Variants in BID observed in about 807,000 individuals in gnomAD.
BID encodes the protein BH3 interacting domain death agonist, also known as BH3-interacting domain death agonist.
Under a neutral mutation model 17.4 loss-of-function variants are expected in BID, and 19 were observed. The ratio of observed to expected loss-of-function variants is 1.09; its 90% CI spans 0.76 to 1.60. The LOEUF (loss-of-function observed/expected upper bound fraction) is 1.60. Among genes scored for constraint, BID ranks in the 40% most tolerant of loss-of-function variants. The pLI, the probability that BID is intolerant of heterozygous loss-of-function variation, is 0.00. For synonymous variants in BID, 108 were observed against 102.8 expected, an observed-to-expected ratio of 1.05 and a Z score of -0.31; for missense variants, 226 against 256.0, an observed-to-expected ratio of 0.88 and a Z score of 0.80.
intron 2 of BID, among the ~76,000 whole-genome samples, chr22:17,747,196 T>C (rs769833056): frequency 2.0e-5 from 3 of 152,156 alleles, no homozygotes; most frequent in Non-Finnish European, 4.4e-5. Flanking sequence ...TCTGGACCAG[T>C]GCCTCAGGGA....
At chr22:17,774,020 T>C (rs1303099981) in intron 1 of BID, 2 of 425,076 alleles carry the variant, frequency 4.7e-6, no homozygotes, top group East Asian at 1.0e-4. Flanking sequence ...TTTTCTCCTC[T>C]CCGGGGCTGG....
intron 1 of BID, chr22:17,774,014 C>T (rs1601890788): frequency 4.4e-6 from 2 of 452,246 alleles, no homozygotes; most frequent in Non-Finnish European, 8.0e-6. Context: ...CGCGGGTTTT[C>T]TCCTCTCCGG....
chr22:17,738,194 C>G lies in BID; in HGVS notation c.399G>C (p.Gln133His), dbSNP rs925525205. 2 of 1,612,410 alleles carry G rather than the reference C, an allele frequency of 1.2e-6. No individual in the cohort carries two copies. Among genetic ancestry groups the G allele is most frequent in the Admixed American group, 3.3e-5 (2 of 60,030 alleles). ...TGTCTCTAGGGTAGGCCTGCAGCAGCTGCTCCAGGGCAGTGGCCAGGTCCC... is the reference window on the plus strand; with the variant it reads ...TGTCTCTAGGGTAGGCCTGCAGCAGGTGCTCCAGGGCAGTGGCCAGGTCCC... ...RNRDLATALE[Q>H]LLQAYPRDME... The change falls in exon 5 of 6, where the codon CAG (glutamine) becomes CAC (histidine). Residue 133 changes from glutamine (Q) to histidine (H), a missense_variant. Physicochemically the swap from Gln to His is conservative, Grantham distance 24 (BLOSUM62 0). Transcript: ENST00000622694.
chr22:17,763,124 G>A (rs1282864514), intron 1 of BID, among the ~76,000 whole-genome samples: 3 of 152,076 alleles, frequency 2.0e-5, no homozygotes. Context: ...CGATCCACCC[G>A]CCTCAGCCTC....
chr22:17,755,926 G>C (rs1028174363), intron 1 of BID, among the ~76,000 whole-genome samples: 4 of 152,152 alleles, frequency 2.6e-5, no homozygotes, highest in African/African-American at 4.8e-5. Context: ...GGAGTACAAT[G>C]GCACGATCTC....
intron 3 of BID, 72 bp downstream of exon 3, chr22:17,743,731 C>G: frequency 6.7e-7 from 1 of 1,490,242 alleles, no homozygotes; most frequent in Non-Finnish European, 9.0e-7. Flanking sequence ...CCTTCCAGCC[C>G]TGAGGCTCCC....
intron 1 of BID, among the ~76,000 whole-genome samples, chr22:17,765,138 TCAAGACATCCTCCACAGAGGACC>T (rs535850066): frequency 0.093 from 14,143 of 151,404 alleles, 842 homozygotes; most frequent in Non-Finnish European, 0.12. Flanking sequence ...TGTGTCCGGC[TCAAGACATCCTCCACAGAGGACC>T]CAAGACATCC....
At chr22:17,745,620 A>C (rs893305286) in intron 2 of BID, among the ~76,000 whole-genome samples, 1 of 152,110 alleles carries the variant, frequency 6.6e-6, no homozygotes. Flanking sequence ...ACTGCACTCC[A>C]ACCTGGGTGA....
intron 2 of BID, among the ~76,000 whole-genome samples, chr22:17,747,907 C>G (rs2061505574): frequency 1.3e-5 from 2 of 150,390 alleles, no homozygotes; most frequent in African/African-American, 4.9e-5. Flanking sequence ...GAAACCCCAT[C>G]TCTACTAAAA....
In BID at chr22:17,773,686, A is replaced by T; in HGVS notation, c.-59+695T>A. The T allele has an allele frequency of 6.2e-7, 1 of 1,609,518 alleles. No homozygotes were observed. On this transcript the variant is annotated intron_variant, in intron 1 of 5. Transcript: ENST00000622694. This position sits in a 1 kb window ranked among gnomAD's most constrained non-coding sequence, Gnocchi z 4.4. ...GCCATCATGACCCCAGCACCGCTGC[A>T]CATTCGTATTTGTTGAATGAATGAA... is the stretch of plus-strand genomic sequence containing the variant.
intron 1 of BID, among the ~76,000 whole-genome samples, chr22:17,756,553 TCTTTCCTTC>T (rs1268025594): frequency 6.6e-6 from 1 of 151,342 alleles, no homozygotes; most frequent in African/African-American, 2.4e-5. Flanking sequence ...CTTCCTTCTT[TCTTTCCTTC>T]CTTTCCTTTC....
At chr22:17,744,197 TA>T (rs1361904667) in intron 2 of BID, among the ~76,000 whole-genome samples, 184 bp from the exon 3 acceptor site, 2 of 152,168 alleles carry the variant, frequency 1.3e-5, no homozygotes, top group African/African-American at 4.8e-5. Flanking sequence ...GCCACAGCTT[TA>T]AGCAGCACTG....
rs114234041 is a variant in BID, at chr22:17,740,761, C to T, written c.224-1273G>A. The T allele has an allele frequency of 6.0e-3, 930 of 154,806 alleles. 14 individuals carry two copies. Among genetic ancestry groups the T allele is most frequent in the African/African-American group, 0.021 (866 of 41,498 alleles). The allele number at this position is 154,806 out of a possible 1,614,324, so 9.6% of individuals were successfully genotyped here. A position where few individuals can be genotyped will look rare whatever the true frequency, so the allele number is the denominator to read the frequency against. On this transcript the variant is annotated intron_variant, in intron 3 of 5. Transcript: ENST00000622694. Reference sequence around the variant, plus strand: ...AACTTTTAAAGGGAGCCAGGTGTACCGCACGTACCTATAATCCCAGCTACA... The same window carrying T: ...AACTTTTAAAGGGAGCCAGGTGTACTGCACGTACCTATAATCCCAGCTACA...
chr22:17,759,249 A>AAC lies in BID; in HGVS notation c.-58-9076_-58-9075insGT, dbSNP rs1555906743. Among the ~76,000 whole-genome samples, 9 of 148,526 alleles carry AAC rather than the reference A, an allele frequency of 6.1e-5. No individual in the cohort carries two copies. In the East Asian group the frequency reaches 7.9e-4, roughly 13 times the overall value. ...CGTCTCAAAACAAAAAACAAAACAA[A>AAC]AAAAAAAAAACAAAAGAACCAGGTG... On this transcript the variant is annotated intron_variant, in intron 1 of 5. Coordinates refer to ENST00000622694, the MANE Select transcript of BID (RefSeq NM_001196.4).
intron 2 of BID, 53 bp downstream of exon 2, chr22:17,750,052 T>A (rs1466374053): frequency 1.3e-6 from 2 of 1,560,020 alleles, no homozygotes; most frequent in Non-Finnish European, 1.8e-6. Flanking sequence ...CGCAGGCCCT[T>A]ACCCCTCGAC....
chr22:17,736,869 T>C (rs1441460810), intron 5 of BID, among the ~76,000 whole-genome samples: 5 of 152,058 alleles, frequency 3.3e-5, no homozygotes, highest in Admixed American at 6.6e-5. Context: ...AGTGGCGTGA[T>C]TGCGGCTCAC....
At chr22:17,756,917 C>A (rs888346928) in intron 1 of BID, among the ~76,000 whole-genome samples, 3 of 152,034 alleles carry the variant, frequency 2.0e-5, no homozygotes, top group South Asian at 2.1e-4. Flanking sequence ...ATGAGACTGA[C>A]CTGACCATTA....
In BID at chr22:17,734,972, G is replaced by A. The variant is rs1433412212; in HGVS notation, c.*608C>T. ...AAAAAGTCAAGCCCCTGTGTACTGG[G>A]GCCGGACTTCCCATCATTTGAGTGC... On this transcript the variant is annotated 3_prime_UTR_variant, in exon 6 of 6. Transcript: ENST00000622694. 1.3e-5 allele frequency: 2 copies of A among 152,236 alleles called. No individual in the cohort carries two copies. Among genetic ancestry groups the A allele is most frequent in the Non-Finnish European group, 2.9e-5 (2 of 68,124 alleles). The allele number at this position is 152,236 out of a possible 1,614,324, so 9.4% of individuals were successfully genotyped here.
At chr22:17,768,872 C>CA (rs56172842) in intron 1 of BID, among the ~76,000 whole-genome samples, 9,961 of 73,524 alleles carry the variant, frequency 0.14, 681 homozygotes, top group Non-Finnish European at 0.19. Context: ...GACTCCGTCT[C>CA]AAAAAAAAAA....
Sources: gnomAD v4.1 joint callset for allele counts (sites outside exome capture counted in the v4.1 genomes callset) on GRCh38, gnomAD v4.1.1 for gene constraint, Gnocchi (gnomAD v3.1) non-coding constraint, MANE v1.5 for transcripts, NCBI Gene and HGNC (gene_info 2026-07-23, HGNC 2026-07-21) for gene names.